CNTNAP2: variants seen among roughly 807,000 people sequenced by gnomAD.
CNTNAP2 encodes the protein contactin associated protein 2, also known as contactin-associated protein-like 2.
A neutral mutation model predicts 155.2 loss-of-function variants in CNTNAP2; 98 were observed. That is an observed-to-expected ratio of 0.63 (90% CI 0.54 to 0.75). The LOEUF (loss-of-function observed/expected upper bound fraction) is 0.75, where lower values mean the gene tolerates loss of function less well. Ranked by LOEUF, CNTNAP2 falls within the 30% of genes least tolerant of loss-of-function variation. The pLI, the probability that CNTNAP2 is intolerant of heterozygous loss-of-function variation, is 0.00. For synonymous variants in CNTNAP2, 651 were observed against 631.2 expected (o/e 1.03, Z -0.47); for missense variants, 1,727 against 1,688.1 (o/e 1.02, Z -0.40).
intron 13 of CNTNAP2, among the ~76,000 whole-genome samples, chr7:147,842,350 A>G (rs1798757488): frequency 1.3e-5 from 2 of 152,202 alleles, no homozygotes; most frequent in Admixed American, 1.3e-4. Flanking sequence ...GATTCATAAG[A>G]TAGTACAGCC....
intron 12 of CNTNAP2, among the ~76,000 whole-genome samples, chr7:147,621,272 G>T (rs916572457): frequency 1.3e-5 from 2 of 152,010 alleles, no homozygotes; most frequent in African/African-American, 4.8e-5. Flanking sequence ...ATGTTAATGA[G>T]CAATAAGAAA....
chr7:147,725,169 G>T (rs1033898362), intron 13 of CNTNAP2, among the ~76,000 whole-genome samples: 8 of 151,890 alleles, frequency 5.3e-5, no homozygotes, highest in Non-Finnish European at 1.5e-5. Context: ...CTAGAGATGG[G>T]TATAGTGCAA....
At chr7:147,542,314 G>T (rs1316195121) in intron 11 of CNTNAP2, among the ~76,000 whole-genome samples, 1 of 140,766 alleles carries the variant, frequency 7.1e-6, no homozygotes, top group Non-Finnish European at 1.6e-5. Context: ...AAAAAAAAAA[G>T]CTCCAAAAAA....
chr7:148,360,810 C>CTTTTTTT (rs1177933137), intron 21 of CNTNAP2, among the ~76,000 whole-genome samples: 1 of 138,584 alleles, frequency 7.2e-6, no homozygotes, highest in African/African-American at 2.6e-5. Context: ...TCTTTTTTTT[C>CTTTTTTT]TTTTTCTTTT....
chr7:146,301,096 A>T (rs1460042113), intron 1 of CNTNAP2, among the ~76,000 whole-genome samples: 1 of 152,116 alleles, frequency 6.6e-6, no homozygotes. Flanking sequence ...TCCTTAAGAG[A>T]CCAGCAGACC....
At chr7:147,468,994 T>C (rs1205534074) in intron 10 of CNTNAP2, among the ~76,000 whole-genome samples, 2 of 152,046 alleles carry the variant, frequency 1.3e-5, no homozygotes, top group East Asian at 3.9e-4. Flanking sequence ...GGCTGATTTT[T>C]GTATTTTTAG....
At chr7:146,927,575 T>A (rs981329247) in intron 3 of CNTNAP2, among the ~76,000 whole-genome samples, 6 of 152,152 alleles carry the variant, frequency 3.9e-5, no homozygotes, top group African/African-American at 1.2e-4. Flanking sequence ...ATACAATTTG[T>A]ATAAAGATAT....
intron 8 of CNTNAP2, among the ~76,000 whole-genome samples, chr7:147,297,761 G>A (rs1794861842): frequency 6.6e-6 from 1 of 151,126 alleles, no homozygotes; most frequent in Admixed American, 6.6e-5. Context: ...TAGACTGTTA[G>A]TGCAAAGAGT....
chr7:148,307,629 T>C (rs1471654822), intron 21 of CNTNAP2, among the ~76,000 whole-genome samples: 5 of 152,154 alleles, frequency 3.3e-5, no homozygotes, highest in African/African-American at 1.2e-4. Flanking sequence ...TCCACCATCT[T>C]TAATGGGAAT....
At chr7:146,826,247 A>T (rs1803397919) in intron 2 of CNTNAP2, among the ~76,000 whole-genome samples, 1 of 152,182 alleles carries the variant, frequency 6.6e-6, no homozygotes, top group Admixed American at 6.6e-5. Flanking sequence ...TGAAACAGTA[A>T]TAAATAACTA....
At chr7:146,694,635 A>G (rs1386301905) in intron 1 of CNTNAP2, among the ~76,000 whole-genome samples, 1 of 152,114 alleles carries the variant, frequency 6.6e-6, no homozygotes, top group East Asian at 1.9e-4. Flanking sequence ...TTACAAAATA[A>G]TTTACTGGAA....
chr7:148,250,536 C>T (rs1034248333), intron 20 of CNTNAP2, among the ~76,000 whole-genome samples: 3 of 152,174 alleles, frequency 2.0e-5, no homozygotes, highest in South Asian at 2.1e-4. Flanking sequence ...ACGATGCACT[C>T]GGAGGCCCCT....
chr7:146,799,310 C>T (rs2129191070), intron 2 of CNTNAP2, among the ~76,000 whole-genome samples: 1 of 152,174 alleles, frequency 6.6e-6, no homozygotes, highest in Admixed American at 6.5e-5. Context: ...CTGAAAGATT[C>T]TTGATTGCTT....
intron 8 of CNTNAP2, among the ~76,000 whole-genome samples, chr7:147,214,445 T>C (rs780558814): frequency 2.0e-5 from 3 of 152,144 alleles, no homozygotes; most frequent in Non-Finnish European, 2.9e-5. Flanking sequence ...TTCTACCTTA[T>C]ATGATTGGTA....
chr7:148,194,680 G>C (rs142655323), intron 18 of CNTNAP2, among the ~76,000 whole-genome samples: 48 of 152,252 alleles, frequency 3.2e-4, no homozygotes, highest in Non-Finnish European at 6.0e-4. Context: ...AGTCCAAGAC[G>C]AGAGGCCTAA....
At chr7:147,453,421 C>G (rs117594087) in intron 10 of CNTNAP2, among the ~76,000 whole-genome samples, 3 of 152,128 alleles carry the variant, frequency 2.0e-5, no homozygotes, top group Non-Finnish European at 2.9e-5. Flanking sequence ...GTGGTCTCCC[C>G]ATTACGGTGT....
At chr7:146,400,960 A>T (rs1197722011) in intron 1 of CNTNAP2, among the ~76,000 whole-genome samples, 10 of 151,952 alleles carry the variant, frequency 6.6e-5, no homozygotes, top group African/African-American at 2.4e-5. Context: ...GCAAACCCAA[A>T]CTCACCCAAT....
chr7:148,118,951 G>A lies in CNTNAP2; in HGVS notation c.2554+663G>A, dbSNP rs143164822. On this transcript the variant is annotated intron_variant, in intron 16 of 23. Transcript: ENST00000361727. ...GGGGCGTTCAGGCTTGGGGAGCTCC[G>A]TCAGTGGAAGGTGGGGGTTAGCTGC... Among the ~76,000 whole-genome samples, 135 of 152,330 alleles carry A rather than the reference G, an allele frequency of 8.9e-4. 1 individual carries two copies. The East Asian group carries it at 0.017, about 19-fold the overall frequency.
At chr7:147,729,586 AAAAAAG>A (rs1191217887) in intron 13 of CNTNAP2, among the ~76,000 whole-genome samples, 10 of 152,056 alleles carry the variant, frequency 6.6e-5, no homozygotes, top group African/African-American at 2.4e-4. Context: ...CAGAGTGTAC[AAAAAAG>A]AAAAAGAAAA....
Sources: gnomAD v4.1 joint callset for allele counts (sites outside exome capture counted in the v4.1 genomes callset) on GRCh38, gnomAD v4.1.1 for gene constraint, MANE v1.5 for transcripts, NCBI Gene and HGNC (gene_info 2026-07-23, HGNC 2026-07-21) for gene names.